The following LAIR1 variants were observed in gnomAD, a reference collection of about 807,000 sequenced individuals.
The protein encoded by LAIR1 is leukocyte-associated immunoglobulin-like receptor 1.
In LAIR1, 24 loss-of-function variants were observed where a neutral mutation model predicts 32.8. The ratio of observed to expected loss-of-function variants is 0.73; its 90% CI spans 0.53 to 1.03. LAIR1 has a LOEUF of 1.03. LAIR1 is among the 50% of genes least tolerant of loss of function. LAIR1 has a pLI of 0.00. For missense variants in LAIR1, 355 were observed against 347.5 expected (o/e 1.02, Z -0.17); for synonymous variants, 150 against 140.5 (o/e 1.07, Z -0.48).
upstream of LAIR1, among the ~76,000 whole-genome samples, chr19:54,371,181 G>T (rs138707306): frequency 6.6e-6 from 1 of 151,236 alleles, no homozygotes; most frequent in Admixed American, 6.6e-5. Context: ...CTCAGGTACC[G>T]TAACCAGCAT....
rs138582507 is a variant in LAIR1 at position 54,361,842 on chromosome 19, C to A, written c.71-633G>T. 8.4e-3 allele frequency among the ~76,000 whole-genome samples: 1,276 copies of A among 152,302 alleles called. 20 individuals are homozygous for A. Among genetic ancestry groups the A allele is most frequent in the African/African-American group, 0.029 (1,190 of 41,556 alleles). On this transcript the variant is annotated intron_variant, in intron 2 of 9. Transcript: ENST00000391742. ...TTTCCTCTATAGTTTCTACTTTCTTCTCAGCCTAATTTGCATTTCCTTCTT... is the reference window on the plus strand; with the variant it reads ...TTTCCTCTATAGTTTCTACTTTCTTATCAGCCTAATTTGCATTTCCTTCTT...
intron 5 of LAIR1, 151 bp from the exon 6 acceptor site, chr19:54,356,770 T>G: frequency 8.6e-7 from 1 of 1,167,752 alleles, no homozygotes; most frequent in Non-Finnish European, 1.2e-6. Flanking sequence ...CGTTATCCCC[T>G]TCTTCCACCA....
chr19:54,366,211 A>G (rs984933401), upstream of LAIR1, among the ~76,000 whole-genome samples: 13 of 152,216 alleles, frequency 8.5e-5, no homozygotes, highest in African/African-American at 3.1e-4. Context: ...TTCACTTGAA[A>G]TTTGTTAACG....
Position 54,364,896 on chromosome 19 carries a change from C to G in LAIR1, c.-92G>C, listed in dbSNP as rs532216538. On this transcript the variant is annotated 5_prime_UTR_variant, in exon 1 of 10. Coordinates refer to ENST00000391742, the MANE Select transcript of LAIR1 (RefSeq NM_002287.6). This position sits in a 1 kb window ranked among gnomAD's most constrained non-coding sequence, Gnocchi z 4.8. The stretch of plus-strand genomic sequence containing the variant: ...ACACAAGCAGACAGGATGTGCTGCC[C>G]GGGGGCCTCCTGCCTATGGGGCTTC... The G allele has an allele frequency of 8.9e-5, 144 of 1,609,174 alleles. 1 individual carries two copies. In the Middle Eastern group the frequency reaches 6.0e-3, roughly 66 times the overall value.
Position 54,364,626 on chromosome 19 carries a change from G to A in LAIR1, c.34+145C>T. The A allele has an allele frequency of 1.2e-6, 1 of 867,882 alleles. No individual in the cohort carries two copies. Among genetic ancestry groups the A allele is most frequent in the South Asian group, 1.3e-5 (1 of 75,184 alleles). 53.8% of individuals were successfully genotyped at this position (867,882 alleles called of 1,614,324 possible). On this transcript the variant is annotated intron_variant, in intron 1 of 9. Transcript: ENST00000391742. This position sits in a 1 kb window ranked among gnomAD's most constrained non-coding sequence, Gnocchi z 4.8. ...CAAGATCTTCTCTGATCAGACTTAG[G>A]CCCCAGGGAGAGCAGCAGGGCAGTC...
chr19:54,367,673 G>T (rs1407642626), upstream of LAIR1, among the ~76,000 whole-genome samples: 1 of 151,674 alleles, frequency 6.6e-6, no homozygotes, highest in Non-Finnish European at 1.5e-5. Flanking sequence ...GGGAACCCGG[G>T]AGGCGGAGGC....
In LAIR1 at chr19:54,359,661, G is replaced by T. The variant is rs1311606780; in HGVS notation, c.415+361C>A. On this transcript the variant is annotated intron_variant, in intron 4 of 9. Transcript: ENST00000391742. Reference sequence around the variant, plus strand: ...CCGGAAGTCTGGGGTGGGGCTGCCCGGGTGGGTGGCCCCTGCCCCTTCATG... The same window carrying T: ...CCGGAAGTCTGGGGTGGGGCTGCCCTGGTGGGTGGCCCCTGCCCCTTCATG... Among the ~76,000 whole-genome samples, 3 of 152,268 alleles carry T rather than the reference G, an allele frequency of 2.0e-5. No individual in the cohort carries two copies. In the East Asian group the frequency reaches 5.8e-4, roughly 29 times the overall value.
At position 54,355,263 on chromosome 19, in the gene LAIR1, T is replaced by A. The variant is rs755352799; in HGVS notation, c.*5A>T. 4.4e-6 allele frequency: 7 copies of A among 1,596,882 alleles called. No homozygotes were observed. The highest frequency in any genetic ancestry group is 6.0e-6 in the Non-Finnish European group (7 of 1,171,076). On this transcript the variant is annotated 3_prime_UTR_variant, in exon 10 of 10. Coordinates refer to ENST00000391742, the MANE Select transcript of LAIR1 (RefSeq NM_002287.6). This position sits in a 1 kb window ranked among gnomAD's most constrained non-coding sequence, Gnocchi z 4.7. The stretch of plus-strand genomic sequence containing the variant: ...CTCAGGTGCAGAGGCCAGGTGGGTA[T>A]GGGGTCAGTGTCTGGCAACGGCTGC...
Position 54,355,444 on chromosome 19 carries a change from T to C in LAIR1, c.718-30A>G. The stretch of plus-strand genomic sequence containing the variant: ...GAGGGAGAGACCCAGGGTGAGGGAG[T>C]GCCTGGTGGAGGGTGAGACGAGGGG... On this transcript the variant is annotated intron_variant, in intron 9 of 9. Transcript: ENST00000391742. The surrounding 1 kb of genome is among the most constrained non-coding windows in gnomAD (Gnocchi z 4.7). The C allele has an allele frequency of 1.3e-6, 2 of 1,562,448 alleles. No homozygotes were observed. The highest frequency in any genetic ancestry group is 1.7e-6 in the Non-Finnish European group (2 of 1,154,578).
At chr19:54,366,306 G>A (rs1296690914), upstream of LAIR1, among the ~76,000 whole-genome samples, 1 of 152,154 alleles carries the variant, frequency 6.6e-6, no homozygotes, top group Admixed American at 6.5e-5. Context: ...TGGATTAAAT[G>A]GTTGTGACCA....
intron 2 of LAIR1, among the ~76,000 whole-genome samples, chr19:54,363,502 G>A (rs2082118815): frequency 1.3e-5 from 2 of 152,178 alleles, no homozygotes; most frequent in Admixed American, 1.3e-4. Flanking sequence ...CACTCCCAGG[G>A]TGACCGCAGC....
chr19:54,369,339 A>G (rs751897128), upstream of LAIR1, among the ~76,000 whole-genome samples: 1 of 151,362 alleles, frequency 6.6e-6, no homozygotes, highest in South Asian at 2.1e-4. Flanking sequence ...TCTGAACTCC[A>G]GGTGCCCAGG....
In LAIR1 at chr19:54,360,937, A is replaced by G. The variant is rs779579442; in HGVS notation, c.343T>C (p.Tyr115His). The G allele has an allele frequency of 6.2e-7, 1 of 1,613,310 alleles. No homozygotes were observed. The highest frequency in any genetic ancestry group is 8.5e-7 in the Non-Finnish European group (1 of 1,179,354). The change falls in exon 3 of 10, where the codon TAC (tyrosine) becomes CAC (histidine). Residue 115 changes from tyrosine to histidine, a missense_variant. Physicochemically the swap from Tyr to His is moderately conservative, Grantham distance 83. Transcript: ENST00000391742. ...TCACCTTTCACCAGCAGCTCCAGGT[A>G]GTCACTCTGCTCAGACCATTTAGGG... The part of the protein sequence containing the change: ...KPPKWSEQSD[Y>H]LELLVKESSG...
upstream of LAIR1, chr19:54,368,408 CT>C (rs2082320758): frequency 6.6e-6 from 1 of 152,186 alleles, no homozygotes; most frequent in African/African-American, 2.4e-5. Context: ...GACTTTCCTG[CT>C]TCTGACTCTT....
upstream of LAIR1, among the ~76,000 whole-genome samples, chr19:54,373,842 A>G (rs2082460108): frequency 6.6e-6 from 1 of 152,236 alleles, no homozygotes; most frequent in Admixed American, 6.5e-5. Flanking sequence ...CGCTTCCTCC[A>G]TTGTGCTCCC....
Position 54,360,951 on chromosome 19 carries a change from G to C in LAIR1, c.329C>G (p.Ser110Cys). 1 of 1,614,208 alleles carries C rather than the reference G, an allele frequency of 6.2e-7. No homozygotes were observed. The change falls in exon 3 of 10, where the codon TCT becomes TGT. Residue 110 changes from serine to cysteine, a missense_variant. By Grantham distance (112) the Ser-to-Cys change is moderately radical. Coordinates refer to ENST00000391742, the MANE Select transcript of LAIR1 (RefSeq NM_002287.6). ...CAGCTCCAGGTAGTCACTCTGCTCA[G>C]ACCATTTAGGGGGCTTATAATAGAT... ...RCIYYKPPKW[S>C]EQSDYLELLV... is the part of the protein sequence containing the mutation.
In LAIR1 at chr19:54,364,692, A is replaced by G; in HGVS notation, c.34+79T>C. The stretch of plus-strand genomic sequence containing the variant: ...CACTTTCCTCCCCAGAATCTTCTGG[A>G]CTAGAGTCAGGCTTGAGCAGGGAAT... On this transcript the variant is annotated intron_variant, in intron 1 of 9. Transcript: ENST00000391742. The surrounding 1 kb of genome is among the most constrained non-coding windows in gnomAD (Gnocchi z 4.8). The G allele has an allele frequency of 8.2e-7, 1 of 1,226,968 alleles. No homozygotes were observed. Among genetic ancestry groups the G allele is most frequent in the Non-Finnish European group, 1.2e-6 (1 of 833,600 alleles). The allele number at this position is 1,226,968 out of a possible 1,614,324, so 76.0% of individuals were successfully genotyped here. A position where few individuals can be genotyped will look rare whatever the true frequency, so the allele number is the denominator to read the frequency against.
chr19:54,357,030 G>A (rs2081753113), intron 4 of LAIR1, 64 bp from the exon 5 acceptor site: 3 of 1,495,038 alleles, frequency 2.0e-6, no homozygotes. Context: ...AAGGCTCTGA[G>A]TCCTCCCACA....
chr19:54,375,499 C>T (rs1441181216), upstream of LAIR1, among the ~76,000 whole-genome samples: 1 of 152,204 alleles, frequency 6.6e-6, no homozygotes, highest in South Asian at 2.1e-4. Flanking sequence ...GAACTGTCTC[C>T]TTGGACATCA....
Sources: gnomAD v4.1 joint callset for allele counts (sites outside exome capture counted in the v4.1 genomes callset) on GRCh38, gnomAD v4.1.1 for gene constraint, Gnocchi (gnomAD v3.1) non-coding constraint, MANE v1.5 for transcripts, NCBI Gene and HGNC (gene_info 2026-07-23, HGNC 2026-07-21) for gene names.